CNTN4: variants seen among roughly 807,000 people sequenced by gnomAD.
CNTN4 encodes contactin-4.
In CNTN4, 77 loss-of-function variants were observed where a neutral mutation model predicts 122.5. The observed-to-expected ratio is 0.63, with a 90% confidence interval of 0.52 to 0.76. The LOEUF is 0.76. CNTN4 is among the 30% of genes least tolerant of loss of function. The pLI is 0.00. For missense variants in CNTN4, 1,256 were observed against 1,259.1 expected (o/e 1.00, Z 0.04); for synonymous variants, 512 against 447.0 (o/e 1.15, Z -1.83).
intron 12 of CNTN4, among the ~76,000 whole-genome samples, chr3:2,914,234 G>A (rs528102146): frequency 1.5e-4 from 23 of 151,962 alleles, no homozygotes; most frequent in Admixed American, 1.2e-3. Context: ...CCCTAACTTC[G>A]CACCACAGGC....
Position 2,849,986 on chromosome 3 carries a change from C to CTTTTTTTTT in CNTN4, c.455-16758_455-16757insTTTTTTTTT, listed in dbSNP as rs746657018. On this transcript the variant is annotated intron_variant, in intron 7 of 24. Coordinates refer to ENST00000418658, the MANE Select transcript of CNTN4 (RefSeq NM_175607.3). ...CCATTTTGGAAAATGTTAGCAATCA[C>CTTTTTTTTT]TTTTTTTTCTTTTTTTTTTCTGAGA... 2.8e-5 allele frequency among the ~76,000 whole-genome samples: 4 copies of CTTTTTTTTT among 140,698 alleles called. 1 individual carries two copies. Among genetic ancestry groups the CTTTTTTTTT allele is most frequent in the African/African-American group, 5.3e-5 (2 of 37,916 alleles). 92.3% of individuals were successfully genotyped at this position (140,698 alleles called of 152,430 possible).
intron 3 of CNTN4, among the ~76,000 whole-genome samples, chr3:2,428,610 A>T (rs1243400523): frequency 6.6e-6 from 1 of 152,076 alleles, no homozygotes; most frequent in Admixed American, 6.6e-5. Context: ...CTGAATTTGA[A>T]TGTTGGCTTG....
intron 3 of CNTN4, among the ~76,000 whole-genome samples, chr3:2,462,518 G>T (rs1295985435): frequency 6.6e-6 from 1 of 152,058 alleles, no homozygotes; most frequent in Non-Finnish European, 1.5e-5. Flanking sequence ...ATGATATTTT[G>T]GATAGGAAGA....
intron 4 of CNTN4, among the ~76,000 whole-genome samples, chr3:2,608,060 TC>T (rs1014960987): frequency 6.6e-6 from 1 of 152,140 alleles, no homozygotes; most frequent in African/African-American, 2.4e-5. Context: ...GGTTAACTCT[TC>T]AATAAAATCA....
intron 3 of CNTN4, among the ~76,000 whole-genome samples, chr3:2,437,335 C>T (rs964811636): frequency 2.2e-4 from 34 of 152,186 alleles, no homozygotes; most frequent in Admixed American, 6.5e-5. Context: ...CCTTAAAATA[C>T]TGTATAATAA....
chr3:2,841,944 T>C lies in CNTN4; in HGVS notation c.454+22363T>C, dbSNP rs1178542268. Among the ~76,000 whole-genome samples, 1 of 152,074 alleles carries C rather than the reference T, an allele frequency of 6.6e-6. No homozygotes were observed. The highest frequency in any genetic ancestry group is 1.5e-5 in the Non-Finnish European group (1 of 68,036). On this transcript the variant is annotated intron_variant, in intron 7 of 24. Transcript: ENST00000418658. The surrounding 1 kb of genome is among the most constrained non-coding windows in gnomAD (Gnocchi z 4.8). Reference sequence around the variant, plus strand: ...AATTAGGTCACATTGAAATATATGATTTTAAAACAGATTGAAACCAGAAAT... The same window carrying C: ...AATTAGGTCACATTGAAATATATGACTTTAAAACAGATTGAAACCAGAAAT...
intron 3 of CNTN4, among the ~76,000 whole-genome samples, chr3:2,359,579 G>A (rs1253712483): frequency 8.5e-5 from 13 of 152,080 alleles, no homozygotes; most frequent in East Asian, 1.9e-4. Context: ...TCGCTCTGTC[G>A]CCCAGGCTGG....
At chr3:3,009,624 G>A (rs1326170877) in intron 14 of CNTN4, among the ~76,000 whole-genome samples, 6 of 152,002 alleles carry the variant, frequency 3.9e-5, no homozygotes, top group South Asian at 2.1e-4. Flanking sequence ...TAGTAGAGAC[G>A]GGGTTTCACC....
intron 14 of CNTN4, among the ~76,000 whole-genome samples, chr3:3,002,402 A>G (rs1696139890): frequency 6.6e-6 from 1 of 152,222 alleles, no homozygotes; most frequent in African/African-American, 2.4e-5. Flanking sequence ...ACTAGGGACG[A>G]ATATAATTCA....
chr3:2,860,988 C>T lies in CNTN4; in HGVS notation c.455-5764C>T, dbSNP rs530013568. ...CTCGCAATTTCTAACATTTTTTTTT[C>T]GCAAAGGTCAGAGAAAGACAAGGTA... is the stretch of plus-strand genomic sequence containing the variant. On this transcript the variant is annotated intron_variant, in intron 7 of 24. Transcript: ENST00000418658. 3.4e-4 allele frequency among the ~76,000 whole-genome samples: 51 copies of T among 151,928 alleles called. 2 individuals carry two copies. The South Asian group carries it at 9.8e-3, about 29-fold the overall frequency.
chr3:2,778,794 C>T (rs1413315097), intron 6 of CNTN4, among the ~76,000 whole-genome samples: 1 of 152,070 alleles, frequency 6.6e-6, no homozygotes, highest in Non-Finnish European at 1.5e-5. Context: ...AATGAGAATT[C>T]TTTAGGGCTT....
At chr3:2,875,083 A>G (rs2093828371) in intron 8 of CNTN4, among the ~76,000 whole-genome samples, 1 of 152,132 alleles carries the variant, frequency 6.6e-6, no homozygotes, top group Non-Finnish European at 1.5e-5. Context: ...CCCAGGTTCA[A>G]GCAATTCTCT....
chr3:2,655,710 A>G (rs1294792594), intron 4 of CNTN4, among the ~76,000 whole-genome samples: 2 of 152,168 alleles, frequency 1.3e-5, no homozygotes, highest in African/African-American at 4.8e-5. Context: ...AGCATTGCAC[A>G]TTGCCAGAGC....
chr3:2,206,124 C>T (rs1257348664), intron 2 of CNTN4, among the ~76,000 whole-genome samples: 1 of 152,032 alleles, frequency 6.6e-6, no homozygotes, highest in Non-Finnish European at 1.5e-5. Context: ...TTCTCCTCTT[C>T]TATTTCTTAC....
chr3:2,316,969 T>C (rs567485149), intron 2 of CNTN4, among the ~76,000 whole-genome samples: 1 of 152,208 alleles, frequency 6.6e-6, no homozygotes. Context: ...TTTTGTGACT[T>C]CATTTTCCTT....
chr3:2,596,978 G>A (rs2080799962), intron 4 of CNTN4, among the ~76,000 whole-genome samples: 1 of 151,750 alleles, frequency 6.6e-6, no homozygotes, highest in East Asian at 1.9e-4. Context: ...TTAAATTTGA[G>A]TTTCTCTGGC....
chr3:2,414,940 G>C (rs2047360069), intron 3 of CNTN4, among the ~76,000 whole-genome samples: 1 of 152,194 alleles, frequency 6.6e-6, no homozygotes, highest in South Asian at 2.1e-4. Flanking sequence ...TAAACATTGA[G>C]TGAGCCTCGT....
chr3:2,315,011 T>C (rs1303266461), intron 2 of CNTN4, among the ~76,000 whole-genome samples: 3 of 152,042 alleles, frequency 2.0e-5, no homozygotes, highest in Admixed American at 6.6e-5. Flanking sequence ...AACATGTTAT[T>C]TTATATTTCC....
At chr3:3,047,282 A>C (rs1377400822) in intron 23 of CNTN4, among the ~76,000 whole-genome samples, 1 of 152,170 alleles carries the variant, frequency 6.6e-6, no homozygotes, top group African/African-American at 2.4e-5. Flanking sequence ...CAGACCTAAT[A>C]GACATCTACA....
Sources: gnomAD v4.1 joint callset for allele counts (sites outside exome capture counted in the v4.1 genomes callset) on GRCh38, gnomAD v4.1.1 for gene constraint, Gnocchi (gnomAD v3.1) non-coding constraint, MANE v1.5 for transcripts, NCBI Gene and HGNC (gene_info 2026-07-23, HGNC 2026-07-21) for gene names.